GPM6A: variants seen among roughly 807,000 people sequenced by gnomAD.
GPM6A encodes neuronal membrane glycoprotein M6-a.
A neutral mutation model predicts 32.1 loss-of-function variants in GPM6A; 7 were observed. That is an observed-to-expected ratio of 0.22 (90% CI 0.12 to 0.41). The LOEUF is 0.41. Among genes scored for constraint, GPM6A ranks in the 10% least tolerant of loss-of-function variants. GPM6A has a pLI of 1.00. For synonymous variants in GPM6A, 130 were observed against 123.4 expected, an observed-to-expected ratio of 1.05 and a Z score of -0.35; for missense variants, 235 against 347.2, an observed-to-expected ratio of 0.68 and a Z score of 2.57.
At chr4:175,936,024 G>A (rs150439482) in intron 1 of GPM6A, among the ~76,000 whole-genome samples, 8,458 of 150,996 alleles carry the variant, frequency 0.056, 724 homozygotes, top group African/African-American at 0.19. Flanking sequence ...ATTAAAAAAC[G>A]GCCGGGCACG....
At chr4:175,901,354 T>C (rs1361751828) in intron 1 of GPM6A, among the ~76,000 whole-genome samples, 2 of 152,160 alleles carry the variant, frequency 1.3e-5, no homozygotes, top group African/African-American at 4.8e-5. Context: ...TCATTCTCCA[T>C]GATGTGCTTA....
chr4:175,950,964 G>C (rs1252348709), intron 1 of GPM6A, among the ~76,000 whole-genome samples: 1 of 152,128 alleles, frequency 6.6e-6, no homozygotes, highest in Non-Finnish European at 1.5e-5. Flanking sequence ...TTAAAATATA[G>C]TATTTGTAAG....
At chr4:175,820,278 A>G (rs1057340977) in intron 1 of GPM6A, among the ~76,000 whole-genome samples, 18 of 152,278 alleles carry the variant, frequency 1.2e-4, no homozygotes, top group African/African-American at 4.3e-4. Context: ...AAAATAAAGT[A>G]TAAAGTCGAT....
At chr4:175,774,925 C>T (rs1241541230) in intron 1 of GPM6A, among the ~76,000 whole-genome samples, 2 of 151,862 alleles carry the variant, frequency 1.3e-5, no homozygotes. Flanking sequence ...TAAAGAATTT[C>T]CATAAAATAA....
At chr4:175,981,196 A>G (rs1740806094) in intron 1 of GPM6A, among the ~76,000 whole-genome samples, 1 of 152,224 alleles carries the variant, frequency 6.6e-6, no homozygotes, top group South Asian at 2.1e-4. Flanking sequence ...ATTAACAAAA[A>G]TGACCTACCA....
rs116457648 is a variant in GPM6A, at chr4:175,986,148, T to C, written c.-23+16161A>G. Among the ~76,000 whole-genome samples the C allele has an allele frequency of 9.6e-3, 1,458 of 152,284 alleles. 14 individuals carry two copies. The highest frequency in any genetic ancestry group is 0.012 in the Non-Finnish European group (818 of 68,016). Reference sequence around the variant, plus strand: ...TTTTTTATGTTTACTGAGATGATCATATGGTTTTTTTCCTTCAAACATTGA... The same window carrying C: ...TTTTTTATGTTTACTGAGATGATCACATGGTTTTTTTCCTTCAAACATTGA... On this transcript the variant is annotated intron_variant, in intron 1 of 7. Transcript: ENST00000280187.
At chr4:175,998,307 C>A (rs1268623311) in intron 1 of GPM6A, among the ~76,000 whole-genome samples, 2 of 152,080 alleles carry the variant, frequency 1.3e-5, no homozygotes, top group East Asian at 3.9e-4. Context: ...GCGTGTGCCA[C>A]CACACCCGGC....
At chr4:175,940,806 C>T (rs1177887028) in intron 1 of GPM6A, among the ~76,000 whole-genome samples, 1 of 152,112 alleles carries the variant, frequency 6.6e-6, no homozygotes, top group African/African-American at 2.4e-5. Flanking sequence ...ACAGGGTTTG[C>T]CCATGTTGGC....
intron 1 of GPM6A, among the ~76,000 whole-genome samples, chr4:175,735,717 G>A (rs1260706968): frequency 6.6e-6 from 1 of 151,844 alleles, no homozygotes; most frequent in Non-Finnish European, 1.5e-5. Context: ...GTGCCACCAC[G>A]CCCAGCTAAT....
chr4:175,943,117 C>T (rs1408817408), intron 1 of GPM6A, among the ~76,000 whole-genome samples: 2 of 152,018 alleles, frequency 1.3e-5, no homozygotes, highest in Non-Finnish European at 2.9e-5. Flanking sequence ...AGCTGTATTC[C>T]TAGGTATTGT....
At chr4:175,994,108 T>C (rs1450311089) in intron 1 of GPM6A, among the ~76,000 whole-genome samples, 2 of 152,150 alleles carry the variant, frequency 1.3e-5, no homozygotes, top group Non-Finnish European at 2.9e-5. Context: ...GGCATAGATA[T>C]GCATTTGAGA....
intron 5 of GPM6A, 98 bp downstream of exon 5, chr4:175,640,655 G>T: frequency 1.2e-6 from 1 of 837,050 alleles, no homozygotes; most frequent in South Asian, 1.5e-5. Flanking sequence ...ATAGAATAAA[G>T]GGAAAAGTCA....
chr4:175,791,102 C>A (rs1195794561), intron 1 of GPM6A, among the ~76,000 whole-genome samples: 1 of 151,836 alleles, frequency 6.6e-6, no homozygotes, highest in Non-Finnish European at 1.5e-5. Flanking sequence ...ATTTTTTTCA[C>A]AATTTATAAT....
At chr4:175,716,199 AAGAC>A (rs903262984) in intron 1 of GPM6A, among the ~76,000 whole-genome samples, 1 of 152,226 alleles carries the variant, frequency 6.6e-6, no homozygotes, top group African/African-American at 2.4e-5. Flanking sequence ...ACAACCAACT[AAGAC>A]AGATCCAAAA....
intron 4 of GPM6A, among the ~76,000 whole-genome samples, chr4:175,642,559 A>T (rs1181595553): frequency 1.3e-5 from 2 of 152,192 alleles, no homozygotes; most frequent in African/African-American, 4.8e-5. Flanking sequence ...ACAGTATTAA[A>T]CACAGTTGAT....
intron 1 of GPM6A, among the ~76,000 whole-genome samples, chr4:175,890,380 C>T (rs1203486494): frequency 6.6e-6 from 1 of 151,998 alleles, no homozygotes; most frequent in Admixed American, 6.6e-5. Context: ...CCTATAATAG[C>T]AAAACAGCAT....
At chr4:175,891,425 G>C (rs958213533) in intron 1 of GPM6A, 1 of 152,060 alleles carries the variant, frequency 6.6e-6, no homozygotes, top group Non-Finnish European at 1.5e-5. Context: ...AAACATTTTG[G>C]AGCAAAGTCC....
chr4:175,873,194 A>G (rs1736967055), intron 1 of GPM6A, among the ~76,000 whole-genome samples: 1 of 152,242 alleles, frequency 6.6e-6, no homozygotes, highest in Non-Finnish European at 1.5e-5. Context: ...TCCTAAAAAA[A>G]ATCATTTACC....
chr4:175,644,589 A>T (rs544758529), intron 4 of GPM6A, among the ~76,000 whole-genome samples: 8 of 152,142 alleles, frequency 5.3e-5, no homozygotes, highest in Admixed American at 3.3e-4. Context: ...CACGTGGAGG[A>T]TGAGCTGCAG....
Sources: gnomAD v4.1 joint callset for allele counts (sites outside exome capture counted in the v4.1 genomes callset) on GRCh38, gnomAD v4.1.1 for gene constraint, MANE v1.5 for transcripts, NCBI Gene and HGNC (gene_info 2026-07-23, HGNC 2026-07-21) for gene names.